The following ASAP3 variants were observed in gnomAD, a reference collection of about 807,000 sequenced individuals.
ASAP3 encodes the protein arf-GAP with SH3 domain, ANK repeat and PH domain-containing protein 3.
A neutral mutation model predicts 118.2 loss-of-function variants in ASAP3; 85 were observed. The observed-to-expected ratio is 0.72, with a 90% confidence interval of 0.60 to 0.86. The LOEUF is 0.86. ASAP3 is among the 40% of genes least tolerant of loss of function. The probability of loss-of-function intolerance (pLI) is 0.00; values close to 1 mark genes in which losing one functional copy is unlikely to be tolerated. For synonymous variants in ASAP3, 432 were observed against 477.4 expected (o/e 0.90, Z 1.24); for missense variants, 1,026 against 1,175.0 (o/e 0.87, Z 1.85).
intron 1 of ASAP3, among the ~76,000 whole-genome samples, chr1:23,481,340 T>C (rs1570424638): frequency 6.6e-6 from 1 of 152,216 alleles, no homozygotes; most frequent in African/African-American, 2.4e-5. Flanking sequence ...TCAGTTGCAT[T>C]TTGATTCAGT....
intron 1 of ASAP3, among the ~76,000 whole-genome samples, chr1:23,464,696 C>CAAAAAAAAAAAAAAA (rs1641709966): frequency 9.5e-6 from 1 of 105,304 alleles, no homozygotes; most frequent in African/African-American, 4.1e-5. Context: ...AAAAAAAAAT[C>CAAAAAAAAAAAAAAA]AGCTTCTGGG....
At position 23,437,274 on chromosome 1, in the gene ASAP3, C is replaced by T. The variant is rs200129246; in HGVS notation, c.1198G>A (p.Ala400Thr). 1.9e-4 allele frequency: 307 copies of T among 1,600,626 alleles called. No homozygotes were observed. In the African/African-American group the frequency reaches 3.7e-3, roughly 19 times the overall value. The change falls in exon 14 of 25, where the codon GCC becomes ACC. Residue 400 changes from alanine to threonine, a missense_variant. Transcript: ENST00000336689. The surrounding 1 kb of genome is among the most constrained non-coding windows in gnomAD (Gnocchi z 6.1). ...QNSKDEALSS[A>T]FLGEPSAGPG... ...CCAGCGCTGGGCTCCCCGAGGAAGGCGCTGCTCAGGGCTTCGTCCTTGCTG... is the reference window on the plus strand; with the variant it reads ...CCAGCGCTGGGCTCCCCGAGGAAGGTGCTGCTCAGGGCTTCGTCCTTGCTG...
chr1:23,436,750 G>A lies in ASAP3; in HGVS notation c.1477-96C>T, dbSNP rs1436110669. 4 of 1,564,256 alleles carry A rather than the reference G, an allele frequency of 2.6e-6. No homozygotes were observed. The highest frequency in any genetic ancestry group is 2.3e-5 in the East Asian group (1 of 44,078). On this transcript the variant is annotated intron_variant, in intron 15 of 24. Transcript: ENST00000336689. The surrounding 1 kb of genome is among the most constrained non-coding windows in gnomAD (Gnocchi z 4.2). ...CAAGCCCCCAGAGTCCCGCCCCTCG[G>A]CCGCCCTCCCGGTTCAGGCCCCGCC...
intron 10 of ASAP3, among the ~76,000 whole-genome samples, chr1:23,439,711 T>C (rs1011967972): frequency 3.3e-5 from 5 of 151,476 alleles, no homozygotes; most frequent in African/African-American, 7.4e-5. Flanking sequence ...TAAATATTCA[T>C]TGGTTTCTTC....
chr1:23,460,325 G>C (rs1641540189), intron 1 of ASAP3, among the ~76,000 whole-genome samples: 2 of 151,924 alleles, frequency 1.3e-5, no homozygotes. Flanking sequence ...TGGCAAACAT[G>C]GTGAAACCCT....
intron 5 of ASAP3, among the ~76,000 whole-genome samples, chr1:23,443,638 C>G (rs942625507): frequency 5.3e-5 from 8 of 151,666 alleles, no homozygotes; most frequent in Admixed American, 3.9e-4. Flanking sequence ...TCAAGCCATT[C>G]TCATGCCTCA....
At chr1:23,467,405 C>T (rs1339988429) in intron 1 of ASAP3, among the ~76,000 whole-genome samples, 1 of 152,098 alleles carries the variant, frequency 6.6e-6, no homozygotes, top group East Asian at 1.9e-4. Flanking sequence ...GTGTTTTCCC[C>T]ACTGACTGTG....
At chr1:23,443,546 C>A (rs972490913) in intron 5 of ASAP3, among the ~76,000 whole-genome samples, 1 of 152,054 alleles carries the variant, frequency 6.6e-6, no homozygotes, top group Non-Finnish European at 1.5e-5. Context: ...AACCTTTGTT[C>A]TTTTATTTTC....
chr1:23,432,986 G>T, intron 22 of ASAP3, 91 bp downstream of exon 22: 1 of 1,452,940 alleles, frequency 6.9e-7, no homozygotes, highest in Non-Finnish European at 9.5e-7. Flanking sequence ...AGGATAGTAC[G>T]GACTAACATA....
At chr1:23,444,593 G>A (rs780175273) in intron 5 of ASAP3, among the ~76,000 whole-genome samples, 2 of 152,204 alleles carry the variant, frequency 1.3e-5, no homozygotes, top group Non-Finnish European at 2.9e-5. Context: ...AAAAGACTCA[G>A]CACATAGAAG....
At chr1:23,431,190 G>A (rs1640419541) in intron 23 of ASAP3, 65 bp from the exon 24 acceptor site, 2 of 1,509,020 alleles carry the variant, frequency 1.3e-6, no homozygotes, top group Non-Finnish European at 1.8e-6. Flanking sequence ...TGGGGAGAAA[G>A]GGCTCAGGAA....
At chr1:23,467,677 C>G (rs1365368163) in intron 1 of ASAP3, among the ~76,000 whole-genome samples, 2 of 151,816 alleles carry the variant, frequency 1.3e-5, no homozygotes, top group Admixed American at 6.6e-5. Context: ...ACTAGGTCGG[C>G]GTGGTGGCTC....
At position 23,436,741 on chromosome 1, in the gene ASAP3, C is replaced by A; in HGVS notation, c.1477-87G>T. The stretch of plus-strand genomic sequence containing the variant: ...GTGGAGCTCCAAGCCCCCAGAGTCC[C>A]GCCCCTCGGCCGCCCTCCCGGTTCA... On this transcript the variant is annotated intron_variant, in intron 15 of 24. Coordinates refer to ENST00000336689, the MANE Select transcript of ASAP3 (RefSeq NM_017707.4). The surrounding 1 kb of genome is among the most constrained non-coding windows in gnomAD (Gnocchi z 4.2). 6.4e-7 allele frequency: 1 copy of A among 1,574,152 alleles called. No individual in the cohort carries two copies. Among genetic ancestry groups the A allele is most frequent in the Non-Finnish European group, 8.7e-7 (1 of 1,152,068 alleles).
chr1:23,457,067 C>T (rs912916626), intron 1 of ASAP3, among the ~76,000 whole-genome samples: 4 of 152,108 alleles, frequency 2.6e-5, no homozygotes, highest in Non-Finnish European at 4.4e-5. Context: ...GAAATCCTTG[C>T]GAAATGCACA....
intron 23 of ASAP3, 56 bp from the exon 24 acceptor site, chr1:23,431,181 G>T (rs1263027052): frequency 3.4e-5 from 52 of 1,522,824 alleles, no homozygotes; most frequent in Non-Finnish European, 4.5e-5. Flanking sequence ...CCCTCAGAGT[G>T]GGGAGAAAGG....
rs1348652867 is a variant in ASAP3, at chr1:23,441,123, A to G, written c.923T>C (p.Phe308Ser). The change falls in exon 10 of 25, where the codon TTT (phenylalanine) becomes TCT (serine). Residue 308 changes from phenylalanine to serine, a missense_variant. Phe to Ser is a radical substitution (Grantham distance 155). Transcript: ENST00000336689. ...NKQFGTEKVGFLYKKSDGIRR... is the reference protein window; with the variant it reads ...NKQFGTEKVGSLYKKSDGIRR... ...TTACCCGTCACTTTTCTTGTATAGA[A>G]AGCCCACTTTCTCCGTCCCAAACTG... 3.1e-6 allele frequency: 5 copies of G among 1,614,148 alleles called. No individual in the cohort carries two copies. Among genetic ancestry groups the G allele is most frequent in the Non-Finnish European group, 3.4e-6 (4 of 1,180,018 alleles).
At chr1:23,431,659 G>T (rs921254515) in intron 23 of ASAP3, 37 bp downstream of exon 23, 3 of 1,502,638 alleles carry the variant, frequency 2.0e-6, no homozygotes, top group Non-Finnish European at 2.7e-6. Flanking sequence ...AGAAGTCAGG[G>T]GATTTGCCCT....
Position 23,436,587 on chromosome 1 carries a change from C to G in ASAP3, c.1544G>C (p.Gly515Ala), listed in dbSNP as rs774341386. ...VMEAQLPSHG[G>A]PKPSAESDMG... ...GTCACTCTCAGCTGAGGGTTTAGGG[C>G]CGCCGTGTGAGGGTAGCTGGGCCTC... The change falls in exon 16 of 25, where the codon GGC becomes GCC. Residue 515 changes from glycine (G) to alanine (A), a missense_variant. Gly to Ala is a moderately conservative substitution (Grantham distance 60, BLOSUM62 0). Transcript: ENST00000336689. This position sits in a 1 kb window ranked among gnomAD's most constrained non-coding sequence, Gnocchi z 4.2. The G allele has an allele frequency of 1.9e-6, 3 of 1,614,234 alleles. No homozygotes were observed. The East Asian group carries it at 6.7e-5, about 36-fold the overall frequency.
intron 22 of ASAP3, 58 bp from the exon 23 acceptor site, chr1:23,431,976 A>T (rs1640451972): frequency 6.8e-7 from 1 of 1,472,400 alleles, no homozygotes; most frequent in Non-Finnish European, 9.3e-7. Context: ...CTCTGTGCCC[A>T]ACCTCAAAGC....
Sources: gnomAD v4.1 joint callset for allele counts (sites outside exome capture counted in the v4.1 genomes callset) on GRCh38, gnomAD v4.1.1 for gene constraint, Gnocchi (gnomAD v3.1) non-coding constraint, MANE v1.5 for transcripts, NCBI Gene and HGNC (gene_info 2026-07-23, HGNC 2026-07-21) for gene names.